The following CTNND2 variants were observed in gnomAD, a reference collection of about 807,000 sequenced individuals.
The protein encoded by CTNND2 is catenin delta 2.
Under a neutral mutation model 144.4 loss-of-function variants are expected in CTNND2, and 22 were observed. The ratio of observed to expected loss-of-function variants is 0.15; its 90% confidence interval spans 0.11 to 0.22. The LOEUF (loss-of-function observed/expected upper bound fraction) is 0.22, where lower values mean the gene tolerates loss of function less well. Among genes scored for constraint, CTNND2 ranks in the 10% least tolerant of loss-of-function variants. The pLI is 1.00. For synonymous variants in CTNND2, 751 were observed against 695.6 expected (o/e 1.08, Z -1.25); for missense variants, 1,353 against 1,618.8 (o/e 0.84, Z 2.82).
At chr5:11,365,031 A>G in intron 7 of CTNND2, 141 bp from the exon 8 acceptor site, 1 of 682,716 alleles carries the variant, frequency 1.5e-6, no homozygotes, top group Non-Finnish European at 2.4e-6. Context: ...AATGGCAGCA[A>G]TATGTCAACC....
intron 9 of CTNND2, among the ~76,000 whole-genome samples, chr5:11,241,995 T>C (rs1482971416): frequency 7.6e-6 from 1 of 132,278 alleles, no homozygotes. Context: ...CTGAAGGGGA[T>C]GGGGGCCTCC....
chr5:11,827,193 T>C (rs1298932010), intron 1 of CTNND2, among the ~76,000 whole-genome samples: 4 of 152,182 alleles, frequency 2.6e-5, no homozygotes, highest in African/African-American at 7.2e-5. Context: ...TCCCTAAATA[T>C]ATGAAACTCT....
intron 7 of CTNND2, among the ~76,000 whole-genome samples, chr5:11,372,768 G>C (rs1757579951): frequency 6.6e-6 from 1 of 152,210 alleles, no homozygotes; most frequent in Admixed American, 6.5e-5. Flanking sequence ...TTGAGGAAGG[G>C]CCTGAGGTTC....
chr5:11,060,082 T>G (rs1746786095), intron 16 of CTNND2, among the ~76,000 whole-genome samples: 2 of 152,172 alleles, frequency 1.3e-5, no homozygotes, highest in Non-Finnish European at 2.9e-5. Flanking sequence ...CAGGCTATTC[T>G]CACTTCTAAA....
intron 3 of CTNND2, among the ~76,000 whole-genome samples, chr5:11,445,491 T>C (rs948135814): frequency 3.3e-5 from 5 of 152,126 alleles, no homozygotes; most frequent in Non-Finnish European, 5.9e-5. Context: ...TGTGAGAGTA[T>C]CGGGAGTCTC....
At chr5:11,451,607 A>C (rs1765321989) in intron 3 of CTNND2, among the ~76,000 whole-genome samples, 1 of 152,210 alleles carries the variant, frequency 6.6e-6, no homozygotes, top group African/African-American at 2.4e-5. Flanking sequence ...GAAATCTGAA[A>C]CACTTCTGGT....
chr5:11,880,514 TACC>T (rs1553989073), intron 1 of CTNND2, among the ~76,000 whole-genome samples: 2 of 72,036 alleles, frequency 2.8e-5, no homozygotes, highest in Non-Finnish European at 3.1e-5. Context: ...CTACTACTAC[TACC>T]ACTACTACTA....
chr5:11,180,143 GT>G (rs1171191307), intron 11 of CTNND2, among the ~76,000 whole-genome samples: 2 of 152,044 alleles, frequency 1.3e-5, no homozygotes, highest in African/African-American at 4.8e-5. Flanking sequence ...ATGGGGGGTG[GT>G]TTCCCCCATG....
intron 18 of CTNND2, among the ~76,000 whole-genome samples, chr5:11,017,183 C>T (rs1448448480): frequency 1.3e-5 from 2 of 152,052 alleles, no homozygotes; most frequent in Non-Finnish European, 2.9e-5. Context: ...TTCTCCCCTC[C>T]TAACCAAAAA....
intron 3 of CTNND2, among the ~76,000 whole-genome samples, chr5:11,469,685 A>T (rs1046983657): frequency 3.3e-5 from 5 of 152,226 alleles, no homozygotes; most frequent in African/African-American, 7.2e-5. Context: ...ATGCCCACTC[A>T]ACACTTTCTC....
At position 11,129,133 on chromosome 5, in the gene CTNND2, A is replaced by ATATATTATATATAATATATATTATATATT. The variant is rs1755190405; in HGVS notation, c.2160-11567_2160-11566insAATATATAATATATATTATATATAATATA. ...TATATATTATATATAATATATATTT[A>ATATATTATATATAATATATATTATATATT]TATATATTATATATAAAATATACAT... On this transcript the variant is annotated intron_variant, in intron 12 of 21. Transcript: ENST00000304623. Among the ~76,000 whole-genome samples, 2 of 26,044 alleles carry ATATATTATATATAATATATATTATATATT rather than the reference A, an allele frequency of 7.7e-5. 1 individual carries two copies. Among genetic ancestry groups the ATATATTATATATAATATATATTATATATT allele is most frequent in the Non-Finnish European group, 1.2e-4 (2 of 16,180 alleles). The allele number at this position is 26,044 out of a possible 152,430, so 17.1% of individuals were successfully genotyped here.
chr5:11,426,406 T>C (rs1762778396), intron 3 of CTNND2, among the ~76,000 whole-genome samples: 1 of 152,226 alleles, frequency 6.6e-6, no homozygotes, highest in Admixed American at 6.5e-5. Flanking sequence ...GGCCCCATGC[T>C]TGGCTTAATG....
chr5:11,411,606 C>T lies in CTNND2; in HGVS notation c.369G>A (p.Leu123=). Residue 123 remains leucine (L), a synonymous_variant, in exon 5 of 22, where the codon CTG becomes CTA. Transcript: ENST00000304623. ...IEDELTTGLE[L]VDSCIRSLQE... is the part of the protein sequence containing the mutation. ...GTAGTGACCTAATACAGGAGTCCAC[C>T]AGCTCGAGACCTGTTGTAAGCTCAT... 6.2e-7 allele frequency: 1 copy of T among 1,612,890 alleles called. No individual in the cohort carries two copies. Among genetic ancestry groups the T allele is most frequent in the Non-Finnish European group, 8.5e-7 (1 of 1,179,188 alleles).
chr5:11,055,172 C>T (rs1407706725), intron 16 of CTNND2, among the ~76,000 whole-genome samples: 2 of 152,136 alleles, frequency 1.3e-5, no homozygotes, highest in Admixed American at 6.5e-5. Flanking sequence ...GGGTTAAGGA[C>T]GTAGGTACTG....
At chr5:11,173,675 T>C (rs1049513735) in intron 11 of CTNND2, among the ~76,000 whole-genome samples, 4 of 152,196 alleles carry the variant, frequency 2.6e-5, no homozygotes, top group African/African-American at 9.7e-5. Context: ...TCAATAGCAT[T>C]AAATAACAAA....
intron 15 of CTNND2, among the ~76,000 whole-genome samples, chr5:11,096,492 A>G (rs1449734322): frequency 6.6e-6 from 1 of 152,104 alleles, no homozygotes; most frequent in African/African-American, 2.4e-5. Flanking sequence ...AAGGACATGA[A>G]CTCATCCTTT....
At chr5:11,445,674 C>A (rs1764733803) in intron 3 of CTNND2, among the ~76,000 whole-genome samples, 1 of 152,248 alleles carries the variant, frequency 6.6e-6, no homozygotes, top group African/African-American at 2.4e-5. Flanking sequence ...TAAAAGCCCA[C>A]TTACGGAGGC....
At chr5:11,163,928 G>T (rs1334843339) in intron 11 of CTNND2, among the ~76,000 whole-genome samples, 2 of 152,248 alleles carry the variant, frequency 1.3e-5, no homozygotes, top group African/African-American at 4.8e-5. Context: ...CCACACAGGG[G>T]CTTGAAAAAC....
chr5:11,102,108 T>C (rs552764204), intron 14 of CTNND2, among the ~76,000 whole-genome samples: 2 of 152,318 alleles, frequency 1.3e-5, no homozygotes, highest in South Asian at 4.1e-4. Context: ...TTACTCCTTA[T>C]GTTTGAGAGT....
Sources: allele counts gnomAD v4.1 joint callset (sites outside exome capture counted in the v4.1 genomes callset), GRCh38; gene constraint gnomAD v4.1.1; transcripts MANE v1.5; gene names NCBI Gene and HGNC (gene_info 2026-07-23, HGNC 2026-07-21).